TCEA1: variants seen among roughly 807,000 people sequenced by gnomAD.
TCEA1 encodes the protein transcription elongation factor A1.
A neutral mutation model predicts 43.8 loss-of-function variants in TCEA1; 21 were observed. The observed-to-expected ratio is 0.48, with a 90% confidence interval of 0.34 to 0.69. TCEA1 has a LOEUF of 0.69. Ranked by LOEUF, TCEA1 falls within the 30% of genes least tolerant of loss-of-function variation. TCEA1 has a pLI of 0.01. For synonymous variants in TCEA1, 104 were observed against 117.5 expected (o/e 0.88, Z 0.75); for missense variants, 250 against 365.1 (o/e 0.68, Z 2.57).
intron 2 of TCEA1, among the ~76,000 whole-genome samples, chr8:54,007,509 A>C (rs1804510862): frequency 6.6e-6 from 1 of 152,204 alleles, no homozygotes; most frequent in South Asian, 2.1e-4. Context: ...AAGACCTAGC[A>C]TAAGGTAGAA....
At chr8:54,020,994 C>T (rs1315227240) in intron 1 of TCEA1, among the ~76,000 whole-genome samples, 1 of 152,042 alleles carries the variant, frequency 6.6e-6, no homozygotes, top group Non-Finnish European at 1.5e-5. Flanking sequence ...TCGAGACCAG[C>T]CTGGTTAAGA....
chr8:54,022,116 C>T lies in TCEA1; in HGVS notation c.10G>A (p.Glu4Lys), dbSNP rs1306655897. The change falls in exon 1 of 10, where the codon GAA becomes AAA. Residue 4 changes from glutamate (E) to lysine (K), a missense_variant. Physicochemically the swap from Glu to Lys is moderately conservative, Grantham distance 56. This residue lies in a region of TCEA1 where 30 missense variants were observed against 31.8 expected (regional missense o/e 0.94). Transcript: ENST00000521604. MEDEVVRFAKKMDK... is the reference protein window; with the variant it reads MEDKVVRFAKKMDK... ...ATCTTCTTGGCAAAGCGGACCACTT[C>T]GTCCTCCATGGCTCCGGCAGGTCTT... 6.2e-7 allele frequency: 1 copy of T among 1,601,020 alleles called. No homozygotes were observed. The highest frequency in any genetic ancestry group is 1.7e-5 in the Admixed American group (1 of 59,524).
chr8:53,983,604 G>T (rs1006626889), intron 7 of TCEA1, among the ~76,000 whole-genome samples: 1 of 152,014 alleles, frequency 6.6e-6, no homozygotes, highest in Non-Finnish European at 1.5e-5. Context: ...GGAGGCAGAG[G>T]TTGCAGTGAG....
At chr8:54,000,263 A>C (rs1775453277) in intron 2 of TCEA1, among the ~76,000 whole-genome samples, 1 of 152,240 alleles carries the variant, frequency 6.6e-6, no homozygotes, top group South Asian at 2.1e-4. Context: ...CAAGATCTAG[A>C]AGCATAAAAT....
chr8:53,975,494 T>G (rs531798660), intron 8 of TCEA1, among the ~76,000 whole-genome samples: 2 of 152,212 alleles, frequency 1.3e-5, no homozygotes, highest in South Asian at 4.2e-4. Flanking sequence ...GGAACCCAAG[T>G]GTCCATCAAC....
intron 3 of TCEA1, among the ~76,000 whole-genome samples, chr8:53,996,807 A>G (rs1804066057): frequency 6.6e-6 from 1 of 152,106 alleles, no homozygotes; most frequent in Non-Finnish European, 1.5e-5. Flanking sequence ...ATGCAAATTA[A>G]ATTTGAATAG....
intron 2 of TCEA1, among the ~76,000 whole-genome samples, chr8:54,004,208 T>C (rs1450961411): frequency 6.6e-6 from 1 of 152,158 alleles, no homozygotes; most frequent in Non-Finnish European, 1.5e-5. Context: ...GTATGGTGGC[T>C]GGAGAAAAGA....
rs141466172 is a variant in TCEA1, at chr8:53,990,208, A to T, written c.321-1949T>A. ...GCAAGACTCTGTCTCCAAAAAAAAAAAATAATCCAACAAACAAACCTTTTT... is the reference window on the plus strand; with the variant it reads ...GCAAGACTCTGTCTCCAAAAAAAAATAATAATCCAACAAACAAACCTTTTT... On this transcript the variant is annotated intron_variant, in intron 4 of 9. Transcript: ENST00000521604. Among the ~76,000 whole-genome samples the T allele has an allele frequency of 5.5e-3, 838 of 151,898 alleles. 4 individuals are homozygous for T. Among genetic ancestry groups the T allele is most frequent in the African/African-American group, 0.019 (806 of 41,456 alleles).
chr8:53,980,612 G>C (rs924126023), intron 7 of TCEA1, among the ~76,000 whole-genome samples: 1 of 152,048 alleles, frequency 6.6e-6, no homozygotes, highest in Non-Finnish European at 1.5e-5. Flanking sequence ...ACATAGGACA[G>C]TAAGCTTGAC....
chr8:53,986,832 T>C (rs758236524), intron 6 of TCEA1, 137 bp downstream of exon 6: 4 of 642,934 alleles, frequency 6.2e-6, no homozygotes, highest in Non-Finnish European at 1.1e-5. Flanking sequence ...GCTTCTGTTT[T>C]CTCTCTGTAA....
At chr8:54,009,315 C>T (rs1804577151) in intron 2 of TCEA1, among the ~76,000 whole-genome samples, 1 of 152,100 alleles carries the variant, frequency 6.6e-6, no homozygotes, top group African/African-American at 2.4e-5. Context: ...TCCAGCAATC[C>T]CACTACCAAA....
At position 54,007,908 on chromosome 8, in the gene TCEA1, A is replaced by C. The variant is rs188795631; in HGVS notation, c.126+2522T>G. On this transcript the variant is annotated intron_variant, in intron 2 of 9. Coordinates refer to ENST00000521604, the MANE Select transcript of TCEA1 (RefSeq NM_006756.4). ...ATATTTCATTCTTGATGGAACATTA[A>C]AATACACTCATGCCTGTAATCCCAG... Among the ~76,000 whole-genome samples the C allele has an allele frequency of 9.9e-5, 15 of 152,224 alleles. No individual in the cohort carries two copies. In the East Asian group the frequency reaches 2.9e-3, roughly 29 times the overall value.
chr8:53,974,783 G>T (rs997752050), intron 8 of TCEA1, among the ~76,000 whole-genome samples: 2 of 152,126 alleles, frequency 1.3e-5, no homozygotes, highest in African/African-American at 4.8e-5. Context: ...GCCTGCCTCA[G>T]CCTCCCAAAG....
intron 2 of TCEA1, 196 bp downstream of exon 2, chr8:54,010,234 T>A: frequency 2.0e-6 from 1 of 491,938 alleles, no homozygotes; most frequent in Non-Finnish European, 3.6e-6. Context: ...TTTATTCTCC[T>A]TAAGAAAGGC....
intron 3 of TCEA1, among the ~76,000 whole-genome samples, chr8:53,996,260 C>T (rs1162729764): frequency 6.6e-6 from 1 of 152,216 alleles, no homozygotes; most frequent in Non-Finnish European, 1.5e-5. Flanking sequence ...GTGTTGTGGG[C>T]AACACAGTCC....
chr8:53,994,010 G>A (rs1803966823), intron 3 of TCEA1, among the ~76,000 whole-genome samples: 1 of 152,174 alleles, frequency 6.6e-6, no homozygotes, highest in African/African-American at 2.4e-5. Context: ...AAAGTATATG[G>A]AACAAAGAGA....
At chr8:53,990,794 C>T (rs573939174) in intron 4 of TCEA1, among the ~76,000 whole-genome samples, 1 of 152,342 alleles carries the variant, frequency 6.6e-6, no homozygotes, top group Non-Finnish European at 1.5e-5. Flanking sequence ...TTCACTACTG[C>T]TGGTCCCACT....
At chr8:53,998,903 G>A (rs1804155562) in intron 3 of TCEA1, among the ~76,000 whole-genome samples, 1 of 152,110 alleles carries the variant, frequency 6.6e-6, no homozygotes, top group Admixed American at 6.5e-5. Flanking sequence ...AAAAGATAAA[G>A]AAAAGCTTAA....
At chr8:53,990,728 C>G (rs1398656105) in intron 4 of TCEA1, among the ~76,000 whole-genome samples, 2 of 152,174 alleles carry the variant, frequency 1.3e-5, no homozygotes, top group East Asian at 1.9e-4. Context: ...CCAAATGCTC[C>G]ACAGGAACCA....
Sources: gnomAD v4.1 joint callset for allele counts (sites outside exome capture counted in the v4.1 genomes callset) on GRCh38, gnomAD v4.1.1 for gene constraint, gnomAD v4.1.1 regional missense constraint, MANE v1.5 for transcripts, NCBI Gene and HGNC (gene_info 2026-07-23, HGNC 2026-07-21) for gene names.